Variants in DAB1 observed in about 807,000 individuals in gnomAD.
DAB1 encodes DAB adaptor protein 1, also known as disabled homolog 1.
DAB1 carries 15 observed loss-of-function variants against 64.6 expected under a neutral mutation model. The observed-to-expected ratio is 0.23, with a 90% confidence interval of 0.16 to 0.36. The LOEUF is 0.36. Ranked by LOEUF, DAB1 falls within the 10% of genes least tolerant of loss-of-function variation. The pLI is 1.00. For missense variants in DAB1, 596 were observed against 706.7 expected (o/e 0.84, Z 1.78); for synonymous variants, 235 against 251.9 (o/e 0.93, Z 0.64).
intron 2 of DAB1, among the ~76,000 whole-genome samples, chr1:57,226,672 A>AAAAAAAAAATAT (rs747021990): frequency 1.5e-5 from 2 of 136,016 alleles, no homozygotes; most frequent in African/African-American, 6.2e-5. Context: ...TTAAAAAAAA[A>AAAAAAAAAATAT]ATATATATAT....
In DAB1 at chr1:57,217,144, T is replaced by C. The variant is rs574494718; in HGVS notation, c.68-71715A>G. Among the ~76,000 whole-genome samples the C allele has an allele frequency of 1.2e-4, 19 of 152,244 alleles. 1 individual carries two copies. In the South Asian group the frequency reaches 3.7e-3, roughly 30 times the overall value. On this transcript the variant is annotated intron_variant, in intron 2 of 14. Transcript: ENST00000371236. ...ATATTGAAAGAACTGCCTAAGAAAA[T>C]AAATTATCTTTCAGAAGGGATGGGA... is the stretch of plus-strand genomic sequence containing the variant.
chr1:58,265,924 T>TA (rs1322721431), intron 4 of DAB1, among the ~76,000 whole-genome samples: 1 of 152,032 alleles, frequency 6.6e-6, no homozygotes, highest in African/African-American at 2.4e-5. Flanking sequence ...ATCCAGGAGG[T>TA]ACTCATCAGC....
chr1:57,412,806 T>A (rs1403936672), intron 1 of DAB1, among the ~76,000 whole-genome samples: 1 of 152,236 alleles, frequency 6.6e-6, no homozygotes, highest in Non-Finnish European at 1.5e-5. Flanking sequence ...AAGCAGTAAG[T>A]GCTGATATAG....
intron 2 of DAB1, among the ~76,000 whole-genome samples, chr1:57,175,047 G>A (rs375887035): frequency 5.9e-5 from 9 of 152,078 alleles, no homozygotes; most frequent in Non-Finnish European, 1.3e-4. Context: ...TCAGAAGGAC[G>A]CGACATTTTG....
chr1:57,488,236 T>C (rs918042749), intron 7 of DAB1, among the ~76,000 whole-genome samples: 4 of 151,886 alleles, frequency 2.6e-5, no homozygotes, highest in African/African-American at 4.8e-5. Flanking sequence ...ACCCTGTCTC[T>C]ACTAAAAATA....
At chr1:57,890,367 C>T (rs1051173922) in intron 5 of DAB1, among the ~76,000 whole-genome samples, 5 of 152,050 alleles carry the variant, frequency 3.3e-5, no homozygotes, top group African/African-American at 1.2e-4. Flanking sequence ...CTCTTCACCT[C>T]TAGCTAACCC....
chr1:57,417,068 T>C (rs1416720059), intron 1 of DAB1, among the ~76,000 whole-genome samples: 1 of 152,100 alleles, frequency 6.6e-6, no homozygotes, highest in Admixed American at 6.5e-5. Context: ...TCTGGAAAAA[T>C]ATATTCAAAA....
At chr1:57,921,607 A>T (rs555813400) in intron 5 of DAB1, among the ~76,000 whole-genome samples, 2 of 152,124 alleles carry the variant, frequency 1.3e-5, no homozygotes, top group African/African-American at 4.8e-5. Flanking sequence ...TTTGACATAG[A>T]TCCAGAATCA....
chr1:57,844,033 C>A (rs565597610), intron 1 of DAB1, among the ~76,000 whole-genome samples: 1 of 152,236 alleles, frequency 6.6e-6, no homozygotes, highest in Non-Finnish European at 1.5e-5. Context: ...CACACTATCT[C>A]TTTTCAATCT....
intron 7 of DAB1, among the ~76,000 whole-genome samples, chr1:57,469,660 C>G (rs1238350278): frequency 2.0e-5 from 3 of 152,154 alleles, no homozygotes; most frequent in Non-Finnish European, 2.9e-5. Flanking sequence ...TAATTCCTTT[C>G]TTAGCCTTGT....
At chr1:58,124,775 T>C (rs925415251) in intron 5 of DAB1, among the ~76,000 whole-genome samples, 1 of 152,186 alleles carries the variant, frequency 6.6e-6, no homozygotes, top group East Asian at 1.9e-4. Context: ...ATTTTCCTTA[T>C]ATATAAAACA....
intron 1 of DAB1, among the ~76,000 whole-genome samples, chr1:57,838,049 C>T (rs116519697): frequency 0.021 from 3,161 of 152,062 alleles, 96 homozygotes; most frequent in African/African-American, 0.071. Flanking sequence ...TCTGCTAAGC[C>T]TCTCTATATT....
chr1:58,270,553 T>A lies in DAB1; in HGVS notation n.309+72799A>T, dbSNP rs1169266266. On this transcript the variant is annotated intron_variant and non_coding_transcript_variant, in intron 4 of 20. Coordinates refer to the DAB1 transcript ENST00000485760. ...ACTTTAAAGTAGTTTTTTCCAATTCTGTGAGGAAAGTCATTGGTAGCTTGA... is the reference window on the plus strand; with the variant it reads ...ACTTTAAAGTAGTTTTTTCCAATTCAGTGAGGAAAGTCATTGGTAGCTTGA... Among the ~76,000 whole-genome samples, 4 of 57,666 alleles carry A rather than the reference T, an allele frequency of 6.9e-5. No homozygotes were observed. In the East Asian group the frequency reaches 2.1e-3, roughly 30 times the overall value. The allele number at this position is 57,666 out of a possible 152,430, so 37.8% of individuals were successfully genotyped here. A position where few individuals can be genotyped will look rare whatever the true frequency, so the allele number is the denominator to read the frequency against.
In DAB1 at chr1:57,699,845, G is replaced by A. The variant is rs778187576; in HGVS notation, n.552-50180C>T. Reference sequence around the variant, plus strand: ...GGAGAATCACTTGATCCCGGGAGGCGGAGGTTGCAGTGAGCTGAGATCACA... The same window carrying A: ...GGAGAATCACTTGATCCCGGGAGGCAGAGGTTGCAGTGAGCTGAGATCACA... On this transcript the variant is annotated intron_variant and non_coding_transcript_variant, in intron 6 of 20. Coordinates refer to the DAB1 transcript ENST00000485760. Among the ~76,000 whole-genome samples, 39 of 152,028 alleles carry A rather than the reference G, an allele frequency of 2.6e-4. 1 individual carries two copies. Among genetic ancestry groups the A allele is most frequent in the Non-Finnish European group, 3.4e-4 (23 of 68,006 alleles).
chr1:57,458,686 A>T (rs1404286436), intron 7 of DAB1, among the ~76,000 whole-genome samples: 2 of 152,144 alleles, frequency 1.3e-5, no homozygotes, highest in Non-Finnish European at 2.9e-5. Context: ...TGTTGAAAAC[A>T]ATATAAATAT....
chr1:57,524,621 C>T (rs983809154), intron 7 of DAB1, among the ~76,000 whole-genome samples: 3 of 152,086 alleles, frequency 2.0e-5, no homozygotes, highest in African/African-American at 4.8e-5. Context: ...GGGAGAATTA[C>T]AAAGAACCTC....
chr1:57,122,759 A>G (rs931354383), intron 4 of DAB1, among the ~76,000 whole-genome samples: 1 of 152,208 alleles, frequency 6.6e-6, no homozygotes, highest in Non-Finnish European at 1.5e-5. Context: ...ATACAAAATT[A>G]CTAGAATGAA....
chr1:57,138,190 T>C (rs1280176544), intron 3 of DAB1, among the ~76,000 whole-genome samples: 1 of 152,170 alleles, frequency 6.6e-6, no homozygotes, highest in Non-Finnish European at 1.5e-5. Flanking sequence ...ACCCATTCAT[T>C]CTCAAGCACG....
chr1:57,994,759 T>A (rs1646400002), intron 5 of DAB1, among the ~76,000 whole-genome samples: 1 of 152,154 alleles, frequency 6.6e-6, no homozygotes, highest in African/African-American at 2.4e-5. Context: ...TAGATGAGCA[T>A]ACACCTGGAG....
Sources: gnomAD v4.1 joint callset for allele counts (sites outside exome capture counted in the v4.1 genomes callset) on GRCh38, gnomAD v4.1.1 for gene constraint, MANE v1.5 for transcripts, NCBI Gene and HGNC (gene_info 2026-07-23, HGNC 2026-07-21) for gene names.